Variants in SDCBP observed in about 807,000 individuals in gnomAD.
SDCBP encodes the protein syntenin-1.
In SDCBP, 22 loss-of-function variants were observed where a neutral mutation model predicts 30.5. That is an observed-to-expected ratio of 0.72 (90% CI 0.52 to 1.03). SDCBP has a LOEUF of 1.03. Among genes scored for constraint, SDCBP ranks in the 50% least tolerant of loss-of-function variants. The pLI is 0.00. For missense variants in SDCBP, 304 were observed against 369.9 expected (o/e 0.82, Z 1.46); for synonymous variants, 103 against 118.7 (o/e 0.87, Z 0.86).
At chr8:58,575,001 G>T (rs1348567581) in intron 4 of SDCBP, among the ~76,000 whole-genome samples, 1 of 152,106 alleles carries the variant, frequency 6.6e-6, no homozygotes, top group Non-Finnish European at 1.5e-5. Flanking sequence ...TGTACACTTT[G>T]ACCAACATTT....
At chr8:58,571,998 T>C (rs1365031932) in intron 3 of SDCBP, among the ~76,000 whole-genome samples, 3 of 152,246 alleles carry the variant, frequency 2.0e-5, no homozygotes, top group African/African-American at 7.2e-5. Flanking sequence ...GATGTCTTCA[T>C]ATTTTACGAA....
rs939015662 is a variant in SDCBP at position 58,576,613 on chromosome 8, T to C, written c.402+552T>C. Among the ~76,000 whole-genome samples the C allele has an allele frequency of 2.6e-5, 4 of 152,150 alleles. No homozygotes were observed. In the East Asian group the frequency reaches 7.7e-4, roughly 29 times the overall value. On this transcript the variant is annotated intron_variant, in intron 5 of 8. Transcript: ENST00000260130. ...CACATTTGAATTTAATATGTCATTT[T>C]CTGAGTAAAAAAAGATGGAATATTC...
chr8:58,556,353 G>A (rs957805080), intron 1 of SDCBP, among the ~76,000 whole-genome samples: 5 of 152,190 alleles, frequency 3.3e-5, no homozygotes, highest in Non-Finnish European at 5.9e-5. Flanking sequence ...TGGAGCTCAG[G>A]TGGTAATGCT....
chr8:58,562,220 CA>C (rs1441929516), intron 1 of SDCBP, among the ~76,000 whole-genome samples: 1 of 151,884 alleles, frequency 6.6e-6, no homozygotes, highest in African/African-American at 2.4e-5. Flanking sequence ...ACTCTCCAAT[CA>C]AAAGACATAG....
chr8:58,559,169 AT>A (rs969053348), intron 1 of SDCBP, among the ~76,000 whole-genome samples: 2 of 152,218 alleles, frequency 1.3e-5, no homozygotes, highest in African/African-American at 4.8e-5. Context: ...TTCAGTTAAT[AT>A]TTATTTGAAG....
At chr8:58,562,074 TAAAA>T (rs201931443) in intron 1 of SDCBP, among the ~76,000 whole-genome samples, 2 of 143,772 alleles carry the variant, frequency 1.4e-5, no homozygotes, top group African/African-American at 5.1e-5. Flanking sequence ...GCATATCTAT[TAAAA>T]AAAAAAACAG....
chr8:58,572,701 A>G (rs749600532), intron 4 of SDCBP, among the ~76,000 whole-genome samples: 1 of 151,052 alleles, frequency 6.6e-6, no homozygotes, highest in Non-Finnish European at 1.5e-5. Flanking sequence ...ACTCTCTTAA[A>G]TTTCCTCTAG....
intron 3 of SDCBP, 43 bp downstream of exon 3, chr8:58,571,008 T>G (rs1804985266): frequency 7.1e-7 from 1 of 1,415,238 alleles, no homozygotes; most frequent in African/African-American, 1.4e-5. Flanking sequence ...ACAGAAATAT[T>G]GTTATCTTCT....
chr8:58,565,777 G>T (rs1043066545), intron 2 of SDCBP, among the ~76,000 whole-genome samples: 2 of 151,974 alleles, frequency 1.3e-5, no homozygotes, highest in Non-Finnish European at 2.9e-5. Flanking sequence ...TTAATTGGGG[G>T]TAATTTGTAG....
chr8:58,554,126 A>T (rs1803971868), intron 1 of SDCBP, among the ~76,000 whole-genome samples: 1 of 152,216 alleles, frequency 6.6e-6, no homozygotes, highest in Admixed American at 6.5e-5. Context: ...TTTGTAGATT[A>T]TCTAGTCTGT....
intron 1 of SDCBP, among the ~76,000 whole-genome samples, chr8:58,555,558 G>A (rs1485215376): frequency 6.6e-6 from 1 of 152,114 alleles, no homozygotes; most frequent in Non-Finnish European, 1.5e-5. Context: ...CGTGAAATCT[G>A]TGTCTGCCCA....
intron 6 of SDCBP, 189 bp downstream of exon 6, chr8:58,578,397 C>T: frequency 2.3e-6 from 1 of 439,464 alleles, no homozygotes; most frequent in Middle Eastern, 5.6e-4. Flanking sequence ...GATACGATAC[C>T]TTATTTCAGA....
intron 2 of SDCBP, among the ~76,000 whole-genome samples, 166 bp downstream of exon 2, chr8:58,565,250 A>C (rs1207393342): frequency 6.6e-6 from 1 of 152,080 alleles, no homozygotes; most frequent in Non-Finnish European, 1.5e-5. Context: ...TTACAGAAAA[A>C]TTAGCAATTT....
intron 6 of SDCBP, 48 bp downstream of exon 6, chr8:58,578,256 CA>C (rs777451845): frequency 3.6e-6 from 5 of 1,397,660 alleles, no homozygotes; most frequent in Non-Finnish European, 4.8e-6. Context: ...ACTAGTTTTC[CA>C]TTTTTTTGGG....
chr8:58,575,622 T>G (rs1424199385), intron 4 of SDCBP, among the ~76,000 whole-genome samples: 1 of 152,160 alleles, frequency 6.6e-6, no homozygotes, highest in African/African-American at 2.4e-5. Flanking sequence ...AAATTTGAGA[T>G]GAAGACAAGC....
intron 2 of SDCBP, among the ~76,000 whole-genome samples, chr8:58,566,098 T>G (rs1274732440): frequency 6.6e-6 from 1 of 151,676 alleles, no homozygotes; most frequent in Admixed American, 6.6e-5. Context: ...AAGTGGCCTA[T>G]TCAGTCATCT....
intron 2 of SDCBP, among the ~76,000 whole-genome samples, chr8:58,569,835 T>C (rs1173470328): frequency 1.3e-5 from 2 of 152,186 alleles, no homozygotes; most frequent in East Asian, 3.8e-4. Flanking sequence ...AAATCTAGAA[T>C]GTTTAACAAA....
At chr8:58,572,867 C>T (rs1216340230) in intron 4 of SDCBP, among the ~76,000 whole-genome samples, 2 of 128,798 alleles carry the variant, frequency 1.6e-5, no homozygotes, top group South Asian at 2.5e-4. Flanking sequence ...AGTGCAATGG[C>T]GTGATCTCGG....
chr8:58,559,426 C>T (rs1158902103), intron 1 of SDCBP, among the ~76,000 whole-genome samples: 2 of 151,994 alleles, frequency 1.3e-5, no homozygotes, highest in Non-Finnish European at 2.9e-5. Context: ...TTAAATAAGG[C>T]AAAAAATTGT....
Sources: gnomAD v4.1 joint callset for allele counts (sites outside exome capture counted in the v4.1 genomes callset) on GRCh38, gnomAD v4.1.1 for gene constraint, MANE v1.5 for transcripts, NCBI Gene and HGNC (gene_info 2026-07-23, HGNC 2026-07-21) for gene names.